The following BAZ1A variants were observed in gnomAD, a reference collection of about 807,000 sequenced individuals.
BAZ1A encodes the protein bromodomain adjacent to zinc finger domain 1A.
BAZ1A carries 50 observed loss-of-function variants against 185.2 expected under a neutral mutation model. That is an observed-to-expected ratio of 0.27 (90% confidence interval 0.22 to 0.34). BAZ1A has a LOEUF of 0.34. Among genes scored for constraint, BAZ1A ranks in the 10% least tolerant of loss-of-function variants. BAZ1A has a pLI of 1.00. For missense variants in BAZ1A, 1,356 were observed against 1,839.9 expected (o/e 0.74, Z 4.81); for synonymous variants, 571 against 615.6 (o/e 0.93, Z 1.07).
Position 34,775,928 on chromosome 14 carries a change from G to A in BAZ1A, c.2824C>T (p.His942Tyr), listed in dbSNP as rs866148207. 1 of 1,562,728 alleles carries A rather than the reference G, an allele frequency of 6.4e-7. No homozygotes were observed. The highest frequency in any genetic ancestry group is 8.7e-7 in the Non-Finnish European group (1 of 1,154,272). ...QLARFSEEKF[H>Y]FSDKPQPDSK... ...TTCATTGAAAATTTACCTGAAAAAT[G>A]AAATTTCTCTTCAGAAAAACGGGCT... is the stretch of plus-strand genomic sequence containing the variant. The change falls in exon 18 of 27, where the codon CAT becomes TAT. Residue 942 changes from histidine (H) to tyrosine (Y), a missense_variant. His to Tyr is a moderately conservative substitution (Grantham distance 83, BLOSUM62 2). Coordinates refer to ENST00000360310, the MANE Select transcript of BAZ1A (RefSeq NM_013448.3).
chr14:34,842,231 A>G (rs1455493509), intron 3 of BAZ1A, among the ~76,000 whole-genome samples: 1 of 152,198 alleles, frequency 6.6e-6, no homozygotes, highest in Non-Finnish European at 1.5e-5. Flanking sequence ...GGCACAAACA[A>G]TTGCATTTTT....
chr14:34,862,988 CTTT>C (rs372555589), intron 2 of BAZ1A, among the ~76,000 whole-genome samples: 45 of 119,716 alleles, frequency 3.8e-4, no homozygotes, highest in Non-Finnish European at 4.9e-4. Context: ...TCCACTCTCT[CTTT>C]TTTTTTTTTT....
chr14:34,799,252 G>T (rs1340974949), intron 9 of BAZ1A, among the ~76,000 whole-genome samples: 1 of 99,238 alleles, frequency 1.0e-5, no homozygotes, highest in South Asian at 4.2e-4. Context: ...GGGGAGGGGG[G>T]AGGGATAGCA....
intron 3 of BAZ1A, among the ~76,000 whole-genome samples, chr14:34,856,175 A>C (rs1221598971): frequency 1.3e-5 from 2 of 152,160 alleles, no homozygotes; most frequent in East Asian, 3.8e-4. Flanking sequence ...TGGGGAACCT[A>C]GGCCTAGCCT....
Position 34,771,651 on chromosome 14 carries a change from C to A in BAZ1A, c.3161G>T (p.Gly1054Val). Residue 1054 changes from glycine to valine, a missense_variant, in exon 21 of 27, where the codon GGG (glycine) becomes GTG (valine). This residue lies in a region of BAZ1A where 434 missense variants were observed against 561.7 expected (regional missense o/e 0.77). Transcript: ENST00000360310. ...TKVIVKDRLL[G>V]IKTETPSTVS... ...AGTACTTGGAGTTTCTGTTTTTATC[C>A]CCAAAAGTCTACAATTAAAACAATT... 1 of 1,610,886 alleles carries A rather than the reference C, an allele frequency of 6.2e-7. No homozygotes were observed. Among genetic ancestry groups the A allele is most frequent in the Non-Finnish European group, 8.5e-7 (1 of 1,178,968 alleles).
chr14:34,859,428 CAA>C (rs33993387), intron 3 of BAZ1A, among the ~76,000 whole-genome samples: 57,854 of 130,820 alleles, frequency 0.44, 11,651 homozygotes, highest in South Asian at 0.55. Flanking sequence ...CAGACCCTGT[CAA>C]AAAAAAAAAA....
chr14:34,817,739 T>C (rs912631825), intron 4 of BAZ1A, among the ~76,000 whole-genome samples: 2 of 152,228 alleles, frequency 1.3e-5, no homozygotes, highest in Non-Finnish European at 2.9e-5. Context: ...CATGAAATGA[T>C]ACTCAACATC....
At chr14:34,815,905 C>T (rs889748421) in intron 4 of BAZ1A, among the ~76,000 whole-genome samples, 1 of 152,004 alleles carries the variant, frequency 6.6e-6, no homozygotes, top group Non-Finnish European at 1.5e-5. Flanking sequence ...TTATTTCTCA[C>T]GCATTAAGTT....
rs756015047 is a variant in BAZ1A at position 34,794,825 on chromosome 14, C to T, written c.1287G>A (p.Leu429=). Residue 429 remains leucine (L), a synonymous_variant, in exon 11 of 27, where the codon CTG becomes CTA. Coordinates refer to ENST00000360310, the MANE Select transcript of BAZ1A (RefSeq NM_013448.3). ...RLPPEIFGDA[L]MVLEFLNAFG... ...ATGCATTAAGGAACTCCAAAACCAT[C>T]AGAGCATCACCAAAGATTTCAGGAG... 6.2e-7 allele frequency: 1 copy of T among 1,614,150 alleles called. No homozygotes were observed. Among genetic ancestry groups the T allele is most frequent in the Non-Finnish European group, 8.5e-7 (1 of 1,180,006 alleles).
At position 34,801,139 on chromosome 14, in the gene BAZ1A, T is replaced by C. The variant is rs189238519; in HGVS notation, c.916A>G (p.Lys306Glu). Residue 306 changes from lysine (K) to glutamate (E), a missense_variant, in exon 8 of 27, where the codon AAA becomes GAA. Coordinates refer to ENST00000360310, the MANE Select transcript of BAZ1A (RefSeq NM_013448.3). Reference sequence around the variant, plus strand: ...TGTTTCAAAAGTTTATCTCTTTCTTTAGTAGCTTTGCTCCTATAACTTGCA... The same window carrying C: ...TGTTTCAAAAGTTTATCTCTTTCTTCAGTAGCTTTGCTCCTATAACTTGCA... ...TLASYRSKAT[K>E]ERDKLLKQEE... The C allele has an allele frequency of 5.0e-6, 8 of 1,605,476 alleles. No homozygotes were observed. The highest frequency in any genetic ancestry group is 6.8e-6 in the Non-Finnish European group (8 of 1,177,734).
At chr14:34,820,133 T>TTG (rs1555342356) in intron 4 of BAZ1A, among the ~76,000 whole-genome samples, 18 of 130,426 alleles carry the variant, frequency 1.4e-4, no homozygotes, top group Admixed American at 1.2e-3. Context: ...TTTTTTTTTT[T>TTG]TTTTTTTTTT....
At chr14:34,855,833 G>A (rs144707145) in intron 3 of BAZ1A, among the ~76,000 whole-genome samples, 1 of 152,220 alleles carries the variant, frequency 6.6e-6, no homozygotes, top group Non-Finnish European at 1.5e-5. Flanking sequence ...AGCCCAGGAG[G>A]TCAAGGCTGC....
chr14:34,822,228 G>A (rs1351657797), intron 4 of BAZ1A, among the ~76,000 whole-genome samples: 1 of 152,144 alleles, frequency 6.6e-6, no homozygotes, highest in African/African-American at 2.4e-5. Context: ...CAGGGAGGTG[G>A]AGTTTGCAGT....
chr14:34,783,756 T>A lies in BAZ1A; in HGVS notation c.1997+6A>T, dbSNP rs778083969. 2 of 1,602,236 alleles carry A rather than the reference T, an allele frequency of 1.2e-6. No individual in the cohort carries two copies. The highest frequency in any genetic ancestry group is 4.5e-5 in the East Asian group (2 of 44,822). On this transcript the variant is annotated splice_donor_region_variant and intron_variant, in intron 15 of 26. Coordinates refer to ENST00000360310, the MANE Select transcript of BAZ1A (RefSeq NM_013448.3). The stretch of plus-strand genomic sequence containing the variant: ...CATTAACACAACTATTACAATTATC[T>A]CTTACCTGGCAGCTGCTTCTTCCCT...
chr14:34,832,162 G>A (rs1197709013), intron 3 of BAZ1A, among the ~76,000 whole-genome samples: 3 of 134,356 alleles, frequency 2.2e-5, no homozygotes, highest in Non-Finnish European at 4.8e-5. Context: ...GTATGTATGT[G>A]TATGTGTGTA....
At position 34,761,749 on chromosome 14, in the gene BAZ1A, C is replaced by G; in HGVS notation, c.4243+8G>C. On this transcript the variant is annotated splice_region_variant and intron_variant, in intron 24 of 26. Transcript: ENST00000360310. ...CCTAGGGAAGGAAGAGTTTAGATTTCTTCATACCTGGAGATTGTCTTTTTC... is the reference window on the plus strand; with the variant it reads ...CCTAGGGAAGGAAGAGTTTAGATTTGTTCATACCTGGAGATTGTCTTTTTC... 1 of 1,598,024 alleles carries G rather than the reference C, an allele frequency of 6.3e-7. No individual in the cohort carries two copies. Among genetic ancestry groups the G allele is most frequent in the Non-Finnish European group, 8.6e-7 (1 of 1,169,230 alleles).
At chr14:34,860,102 G>A (rs1460362271) in intron 3 of BAZ1A, among the ~76,000 whole-genome samples, 1 of 152,132 alleles carries the variant, frequency 6.6e-6, no homozygotes, top group Non-Finnish European at 1.5e-5. Flanking sequence ...TTATTTAAAT[G>A]CATTAGGACA....
chr14:34,776,468 T>C lies in BAZ1A; in HGVS notation c.2284A>G (p.Ile762Val), dbSNP rs909737766. ...GFKEFTRQEQ[I>V]NCVTREPLTA... is the part of the protein sequence containing the mutation. ...AGAGGCTCTCTTGTTACACAGTTGA[T>C]CTGTTCTTGCCTTGTAAATTCTTTA... is the stretch of plus-strand genomic sequence containing the variant. The change falls in exon 18 of 27, where the codon ATC becomes GTC. Residue 762 changes from isoleucine to valine, a missense_variant. Physicochemically the swap from Ile to Val is conservative, Grantham distance 29. Around this residue, in one of 7 missense-constraint regions of BAZ1A, gnomAD observed 434 missense variants for 561.7 expected, o/e 0.77. Coordinates refer to ENST00000360310, the MANE Select transcript of BAZ1A (RefSeq NM_013448.3). 1 of 1,613,450 alleles carries C rather than the reference T, an allele frequency of 6.2e-7. No homozygotes were observed. Among genetic ancestry groups the C allele is most frequent in the African/African-American group, 1.3e-5 (1 of 74,836 alleles).
chr14:34,787,549 G>A (rs1372075736), intron 12 of BAZ1A, among the ~76,000 whole-genome samples: 1 of 151,508 alleles, frequency 6.6e-6, no homozygotes, highest in African/African-American at 2.4e-5. Context: ...TGGGCGTGGT[G>A]GCACATGTCT....
Sources: allele counts gnomAD v4.1 joint callset (sites outside exome capture counted in the v4.1 genomes callset), GRCh38; gene constraint gnomAD v4.1.1; regional missense constraint gnomAD v4.1.1; transcripts MANE v1.5; gene names NCBI Gene and HGNC (gene_info 2026-07-23, HGNC 2026-07-21).